IFI27L1: variants seen among roughly 807,000 people sequenced by gnomAD.
IFI27L1 encodes the protein interferon alpha-inducible protein 27-like protein 1.
In IFI27L1, 3 loss-of-function variants were observed where a neutral mutation model predicts 9.2. The observed-to-expected ratio is 0.32, with a 90% confidence interval of 0.15 to 0.84. The LOEUF (loss-of-function observed/expected upper bound fraction) is 0.84. Ranked by LOEUF, IFI27L1 falls within the 40% of genes least tolerant of loss-of-function variation. The probability of loss-of-function intolerance (pLI) is 0.56; values close to 1 mark genes in which losing one functional copy is unlikely to be tolerated. For synonymous variants in IFI27L1, 53 were observed against 50.0 expected (o/e 1.06, Z -0.26); for missense variants, 133 against 134.2 (o/e 0.99, Z 0.05).
At chr14:94,097,749 C>T (rs1355923514) in intron 2 of IFI27L1, 2 of 699,486 alleles carry the variant, frequency 2.9e-6, no homozygotes, top group Non-Finnish European at 5.2e-6. Flanking sequence ...GACTCCAGGC[C>T]ACTTACCCTG....
At chr14:94,083,689 G>T (rs896751840) in intron 1 of IFI27L1, among the ~76,000 whole-genome samples, 1 of 152,224 alleles carries the variant, frequency 6.6e-6, no homozygotes, top group Non-Finnish European at 1.5e-5. Context: ...TAGAGTAAGG[G>T]TACGTGAGTG....
intron 2 of IFI27L1, chr14:94,100,412 G>A (rs1049512002): frequency 5.1e-6 from 5 of 985,414 alleles, no homozygotes; most frequent in Non-Finnish European, 6.0e-6. Flanking sequence ...ATTGTCAGAT[G>A]TTCCTGCCAG....
At chr14:94,088,385 A>G (rs1199759516) in intron 1 of IFI27L1, 1 of 701,422 alleles carries the variant, frequency 1.4e-6, no homozygotes, top group Non-Finnish European at 2.6e-6. Context: ...TTTCGTGATC[A>G]TGGCACTGGC....
In IFI27L1 at chr14:94,095,414, A is replaced by C. The variant is rs1050982243; in HGVS notation, c.-51-1473A>C. Among the ~76,000 whole-genome samples the C allele has an allele frequency of 1.3e-5, 2 of 152,180 alleles. 1 individual carries two copies. The highest frequency in any genetic ancestry group is 1.3e-4 in the Admixed American group (2 of 15,278). Reference sequence around the variant, plus strand: ...TGATCTCCGGTCTGGGCCTAGCATTAAGGGAGGCAGCAATGAATGACTCCT... The same window carrying C: ...TGATCTCCGGTCTGGGCCTAGCATTCAGGGAGGCAGCAATGAATGACTCCT... On this transcript the variant is annotated intron_variant, in intron 1 of 4. Coordinates refer to ENST00000555523, the MANE Select transcript of IFI27L1 (RefSeq NM_206949.3).
chr14:94,100,503 G>C (rs1302446931), intron 2 of IFI27L1: 1 of 985,458 alleles, frequency 1.0e-6, no homozygotes, highest in East Asian at 1.1e-4. Context: ...AGGCTGGGCA[G>C]AGGAGACAGG....
At chr14:94,097,245 T>G (rs1396249379) in intron 2 of IFI27L1, among the ~76,000 whole-genome samples, 1 of 152,206 alleles carries the variant, frequency 6.6e-6, no homozygotes, top group Non-Finnish European at 1.5e-5. Context: ...TTTGAAACAA[T>G]GATCCTTGGC....
At chr14:94,085,096 G>T (rs764526388) in intron 1 of IFI27L1, among the ~76,000 whole-genome samples, 11 of 152,188 alleles carry the variant, frequency 7.2e-5, no homozygotes, top group Non-Finnish European at 1.2e-4. Flanking sequence ...TGGCTGAAGT[G>T]GGAGTACTTA....
intron 1 of IFI27L1, among the ~76,000 whole-genome samples, chr14:94,093,157 C>T (rs1886541362): frequency 6.8e-6 from 1 of 147,540 alleles, no homozygotes; most frequent in African/African-American, 2.5e-5. Flanking sequence ...TTTTTGACTG[C>T]ATTTCTTTTC....
intron 1 of IFI27L1, among the ~76,000 whole-genome samples, chr14:94,095,787 C>T (rs959544011): frequency 6.6e-6 from 1 of 152,168 alleles, no homozygotes; most frequent in African/African-American, 2.4e-5. Flanking sequence ...CACCTCCCAC[C>T]AAGCTCCACC....
chr14:94,091,183 A>C (rs1886461669), intron 1 of IFI27L1, among the ~76,000 whole-genome samples: 1 of 152,230 alleles, frequency 6.6e-6, no homozygotes, highest in Non-Finnish European at 1.5e-5. Context: ...CATCTGTCAA[A>C]GTCCTATAGC....
At chr14:94,085,058 G>T (rs1207725607) in intron 1 of IFI27L1, among the ~76,000 whole-genome samples, 1 of 152,184 alleles carries the variant, frequency 6.6e-6, no homozygotes, top group Non-Finnish European at 1.5e-5. Context: ...AGTTTCCAAG[G>T]GACCCATGCA....
At chr14:94,099,121 G>A (rs1886789872) in intron 2 of IFI27L1, among the ~76,000 whole-genome samples, 1 of 152,228 alleles carries the variant, frequency 6.6e-6, no homozygotes. Context: ...AGACTTTGAT[G>A]ATGCAGAAGC....
chr14:94,095,856 T>C (rs537955702), intron 1 of IFI27L1, among the ~76,000 whole-genome samples: 1 of 152,294 alleles, frequency 6.6e-6, no homozygotes, highest in Admixed American at 6.5e-5. Context: ...ATCCAAACCA[T>C]AGCAGTCCTT....
At chr14:94,085,930 G>A (rs1567066315) in intron 1 of IFI27L1, among the ~76,000 whole-genome samples, 1 of 152,130 alleles carries the variant, frequency 6.6e-6, no homozygotes, top group Non-Finnish European at 1.5e-5. Context: ...TTATGCCTGA[G>A]GCATTGTAAT....
intron 1 of IFI27L1, among the ~76,000 whole-genome samples, chr14:94,095,593 C>T (rs545722852): frequency 4.6e-5 from 7 of 152,300 alleles, no homozygotes; most frequent in Admixed American, 2.0e-4. Context: ...GAAGCTTTTA[C>T]TAATGCAGAA....
At position 94,100,764 on chromosome 14, in the gene IFI27L1, C is replaced by T. The variant is rs1040733075; in HGVS notation, c.54C>T (p.Val18=). 73 of 1,613,536 alleles carry T rather than the reference C, an allele frequency of 4.5e-5. No individual in the cohort carries two copies. The highest frequency in any genetic ancestry group is 3.3e-4 in the Middle Eastern group (2 of 6,042). ...DSGRAAVAAV[V]GGVVAVGTVL... is the part of the protein sequence containing the mutation. ...GCAGGGCTGCTGTAGCAGCTGTGGTCGGAGGAGGTGAGTCTCTATGGGAAG... is the reference window on the plus strand; with the variant it reads ...GCAGGGCTGCTGTAGCAGCTGTGGTTGGAGGAGGTGAGTCTCTATGGGAAG... Residue 18 remains valine, a synonymous_variant, in exon 3 of 5, where the codon GTC becomes GTT. Coordinates refer to ENST00000555523, the MANE Select transcript of IFI27L1 (RefSeq NM_206949.3).
At chr14:94,089,323 T>C (rs1478878970) in intron 1 of IFI27L1, 2 of 152,218 alleles carry the variant, frequency 1.3e-5, no homozygotes, top group East Asian at 3.8e-4. Flanking sequence ...AGTGGTGGAT[T>C]ATTAATGAGT....
At chr14:94,096,492 G>A (rs1292048650) in intron 1 of IFI27L1, among the ~76,000 whole-genome samples, 2 of 152,170 alleles carry the variant, frequency 1.3e-5, no homozygotes, top group East Asian at 3.9e-4. Flanking sequence ...TCAGGGATTC[G>A]AGACCAGCCT....
intron 2 of IFI27L1, chr14:94,097,761 G>A (rs951002064): frequency 2.9e-6 from 2 of 696,864 alleles, no homozygotes; most frequent in Non-Finnish European, 5.2e-6. Context: ...CTTACCCTGA[G>A]CTACTGAGAG....
Sources: gnomAD v4.1 joint callset for allele counts (sites outside exome capture counted in the v4.1 genomes callset) on GRCh38, gnomAD v4.1.1 for gene constraint, MANE v1.5 for transcripts, NCBI Gene and HGNC (gene_info 2026-07-23, HGNC 2026-07-21) for gene names.